The following IQSEC1 variants were observed in gnomAD, a reference collection of about 807,000 sequenced individuals.
The protein encoded by IQSEC1 is IQ motif and SEC7 domain-containing protein 1.
A neutral mutation model predicts 91.0 loss-of-function variants in IQSEC1; 31 were observed. That is an observed-to-expected ratio of 0.34 (90% CI 0.26 to 0.46). The LOEUF (loss-of-function observed/expected upper bound fraction) is 0.46. IQSEC1 is among the 20% of genes least tolerant of loss of function. IQSEC1 has a pLI of 1.00. For synonymous variants in IQSEC1, 699 were observed against 662.6 expected (o/e 1.05, Z -0.84); for missense variants, 1,388 against 1,575.6 (o/e 0.88, Z 2.02).
intron 10 of IQSEC1, among the ~76,000 whole-genome samples, 185 bp downstream of exon 10, chr3:12,911,444 G>A (rs1261473416): frequency 1.3e-5 from 2 of 152,248 alleles, no homozygotes; most frequent in Non-Finnish European, 2.9e-5. Context: ...AGGCTCAGCT[G>A]ACTGATGGGC....
rs980181091 is a variant in IQSEC1, at chr3:13,125,848, G to A, written c.302+38256C>T. On this transcript the variant is annotated intron_variant, in intron 2 of 15. Coordinates refer to the IQSEC1 transcript ENST00000648114. ...GCCAGCTGAGGGCCATGGGCTGCCCGGTGTTCCCCTCCCAGTGCGGTCCTG... is the reference window on the plus strand; with the variant it reads ...GCCAGCTGAGGGCCATGGGCTGCCCAGTGTTCCCCTCCCAGTGCGGTCCTG... Among the ~76,000 whole-genome samples the A allele has an allele frequency of 3.9e-5, 6 of 152,196 alleles. No homozygotes were observed. The East Asian group carries it at 5.8e-4, about 15-fold the overall frequency.
intron 1 of IQSEC1, among the ~76,000 whole-genome samples, chr3:13,245,594 C>T (rs1417134684): frequency 2.6e-5 from 4 of 152,080 alleles, no homozygotes; most frequent in Non-Finnish European, 5.9e-5. Context: ...TGGCAAAACC[C>T]CATCTCTACT....
chr3:13,062,823 G>A (rs1271966981), intron 1 of IQSEC1, among the ~76,000 whole-genome samples: 3 of 152,126 alleles, frequency 2.0e-5, no homozygotes, highest in African/African-American at 7.2e-5. Context: ...ACTTCCCTTA[G>A]TAACCATGCC....
Position 12,899,232 on chromosome 3 carries a change from A to AG in IQSEC1, c.*1750dup, listed in dbSNP as rs945620265. 5 of 762,638 alleles carry AG rather than the reference A, an allele frequency of 6.6e-6. No individual in the cohort carries two copies. The highest frequency in any genetic ancestry group is 8.5e-6 in the Non-Finnish European group (4 of 472,220). The allele number at this position is 762,638 out of a possible 1,614,324, so 47.2% of individuals were successfully genotyped here. A position where few individuals can be genotyped will look rare whatever the true frequency, so the allele number is the denominator to read the frequency against. ...GCCAGCCAAGGTGACACACAGCCAGAGGGGGCTCCCCTCTCCTCCTGCCGT... is the reference window on the plus strand; with the variant it reads ...GCCAGCCAAGGTGACACACAGCCAGAGGGGGGCTCCCCTCTCCTCCTGCCGT... On this transcript the variant is annotated 3_prime_UTR_variant, in exon 14 of 14. Transcript: ENST00000613206.
At chr3:13,040,622 C>T (rs1228272245) in intron 1 of IQSEC1, among the ~76,000 whole-genome samples, 4 of 152,222 alleles carry the variant, frequency 2.6e-5, no homozygotes, top group African/African-American at 9.7e-5. Flanking sequence ...GAATGCAGGA[C>T]AAGGCCCAGG....
chr3:13,078,441 C>T (rs1047352367), intron 2 of IQSEC1, among the ~76,000 whole-genome samples: 23 of 152,328 alleles, frequency 1.5e-4, no homozygotes, highest in African/African-American at 5.1e-4. Flanking sequence ...CCGCACCCAA[C>T]GGCTGCCATA....
At position 13,073,093 on chromosome 3, in the gene IQSEC1, G is replaced by A; in HGVS notation, c.-79C>T. The A allele has an allele frequency of 6.6e-7, 1 of 1,518,274 alleles. No homozygotes were observed. Among genetic ancestry groups the A allele is most frequent in the African/African-American group, 1.4e-5 (1 of 72,494 alleles). 94.1% of individuals were successfully genotyped at this position (1,518,274 alleles called of 1,614,324 possible). On this transcript the variant is annotated 5_prime_UTR_variant, in exon 1 of 14. Coordinates refer to ENST00000613206, the MANE Select transcript of IQSEC1 (RefSeq NM_001134382.3). ...AACGTGTTTCCAAGAGGAGCAGGCG[G>A]CTCAGGCAAGAAGTGGAGGGGAATA...
intron 2 of IQSEC1, among the ~76,000 whole-genome samples, chr3:13,101,377 C>A (rs1256281183): frequency 6.7e-6 from 1 of 149,052 alleles, no homozygotes; most frequent in Non-Finnish European, 1.5e-5. Context: ...CGAGATTGAG[C>A]CACTGCACTC....
intron 4 of IQSEC1, among the ~76,000 whole-genome samples, chr3:12,923,824 G>A (rs1423831881): frequency 6.6e-6 from 1 of 152,228 alleles, no homozygotes; most frequent in East Asian, 1.9e-4. Flanking sequence ...AGGGCTGGGC[G>A]GCTAGAAGGG....
chr3:12,995,370 C>T (rs1422463570), intron 1 of IQSEC1, among the ~76,000 whole-genome samples: 3 of 152,248 alleles, frequency 2.0e-5, no homozygotes, highest in Non-Finnish European at 4.4e-5. Context: ...CCCTGGACAT[C>T]TGGGTCAGGT....
intron 1 of IQSEC1, among the ~76,000 whole-genome samples, chr3:12,950,846 T>C (rs1409393961): frequency 6.6e-6 from 1 of 151,440 alleles, no homozygotes; most frequent in Admixed American, 6.6e-5. Context: ...CGGGGTTTCA[T>C]AGTGTTCACC....
At chr3:13,115,661 C>T (rs1706323155) in intron 2 of IQSEC1, among the ~76,000 whole-genome samples, 1 of 152,240 alleles carries the variant, frequency 6.6e-6, no homozygotes, top group Admixed American at 6.5e-5. Flanking sequence ...AACGTTCTGG[C>T]CCCTGTCACT....
chr3:13,152,707 C>A (rs1707019813), intron 2 of IQSEC1, among the ~76,000 whole-genome samples: 1 of 152,146 alleles, frequency 6.6e-6, no homozygotes, highest in South Asian at 2.1e-4. Flanking sequence ...CCTGCCTCTA[C>A]TAAAAATACA....
chr3:13,136,782 TA>T (rs1483352978), intron 2 of IQSEC1, among the ~76,000 whole-genome samples: 17 of 152,128 alleles, frequency 1.1e-4, no homozygotes, highest in Admixed American at 6.5e-4. Flanking sequence ...TGACTGCATG[TA>T]GATCGGGTGG....
At chr3:13,224,467 C>A (rs1223134276) in intron 1 of IQSEC1, among the ~76,000 whole-genome samples, 1 of 152,070 alleles carries the variant, frequency 6.6e-6, no homozygotes, top group Admixed American at 6.5e-5. Context: ...GGAGAAGGGG[C>A]GCTGGGCAGA....
intron 1 of IQSEC1, among the ~76,000 whole-genome samples, chr3:13,245,998 C>A (rs1417779229): frequency 6.6e-6 from 1 of 152,118 alleles, no homozygotes; most frequent in Non-Finnish European, 1.5e-5. Flanking sequence ...CCCAACATGG[C>A]AAGGGACACA....
chr3:13,213,311 G>A (rs1694479702), intron 1 of IQSEC1, among the ~76,000 whole-genome samples: 1 of 152,188 alleles, frequency 6.6e-6, no homozygotes, highest in Admixed American at 6.5e-5. Context: ...TTTCCCCACT[G>A]AGCCATCTTG....
chr3:13,046,461 G>T (rs1275376563), intron 1 of IQSEC1, among the ~76,000 whole-genome samples: 1 of 152,212 alleles, frequency 6.6e-6, no homozygotes, highest in Non-Finnish European at 1.5e-5. Context: ...AGAGTCGGTC[G>T]CTCTGACATC....
chr3:12,955,607 A>C (rs2125446665), intron 1 of IQSEC1, among the ~76,000 whole-genome samples: 1 of 152,348 alleles, frequency 6.6e-6, no homozygotes, highest in Non-Finnish European at 1.5e-5. Context: ...CCAGAGCACC[A>C]AACCAGGGTA....
Sources: gnomAD v4.1 joint callset for allele counts (sites outside exome capture counted in the v4.1 genomes callset) on GRCh38, gnomAD v4.1.1 for gene constraint, MANE v1.5 for transcripts, NCBI Gene and HGNC (gene_info 2026-07-23, HGNC 2026-07-21) for gene names.